Variants in MED21 observed in about 807,000 individuals in gnomAD.
The protein encoded by MED21 is mediator of RNA polymerase II transcription subunit 21.
In MED21, 9 loss-of-function variants were observed where a neutral mutation model predicts 18.2. The ratio of observed to expected loss-of-function variants is 0.49; its 90% CI spans 0.30 to 0.86. MED21 has a LOEUF of 0.86. Ranked by LOEUF, MED21 falls within the 40% of genes least tolerant of loss-of-function variation. The pLI is 0.07. For missense variants in MED21, 150 were observed against 170.9 expected (o/e 0.88, Z 0.68); for synonymous variants, 73 against 60.5 (o/e 1.21, Z -0.96).
downstream of MED21, among the ~76,000 whole-genome samples, chr12:27,034,354 G>A (rs1174748817): frequency 2.0e-5 from 3 of 152,066 alleles, no homozygotes; most frequent in African/African-American, 4.8e-5. Flanking sequence ...CCTGGGAGGC[G>A]GAGGTTGCAG....
intron 1 of MED21, among the ~76,000 whole-genome samples, chr12:27,025,551 A>G (rs1051439156): frequency 5.3e-5 from 8 of 152,162 alleles, no homozygotes; most frequent in African/African-American, 1.9e-4. Flanking sequence ...ACAGTGATAG[A>G]AGGAAAAGAG....
At chr12:27,036,743 A>T (rs1647374796) in intron 2 of MED21, among the ~76,000 whole-genome samples, 1 of 152,186 alleles carries the variant, frequency 6.6e-6, no homozygotes, top group Non-Finnish European at 1.5e-5. Flanking sequence ...AAGATCAGAT[A>T]GTTGTAGATA....
Position 27,026,514 on chromosome 12 carries a change from A to C in MED21, c.137A>C (p.Gln46Pro). Residue 46 changes from glutamine (Q) to proline (P), a missense_variant, in exon 2 of 4, where the codon CAG (glutamine) becomes CCG (proline). Gln to Pro is a moderately conservative substitution (Grantham distance 76). Transcript: ENST00000282892. Reference sequence around the variant, plus strand: ...ATTCAGACAGCAATTAACAAAGACCAGCCAGCTAACCCTACAGAAGGTAAA... The same window carrying C: ...ATTCAGACAGCAATTAACAAAGACCCGCCAGCTAACCCTACAGAAGGTAAA... ...NNIQTAINKD[Q>P]PANPTEEYAQ... The C allele has an allele frequency of 6.2e-7, 1 of 1,613,504 alleles. No individual in the cohort carries two copies.
At position 27,028,833 on chromosome 12, in the gene MED21, CAGTA is replaced by C. The variant is rs1305347984; in HGVS notation, c.*375_*378del. 27 of 992,562 alleles carry C rather than the reference CAGTA, an allele frequency of 2.7e-5. No homozygotes were observed. The highest frequency in any genetic ancestry group is 2.1e-4 in the African/African-American group (12 of 57,538). The allele number at this position is 992,562 out of a possible 1,614,324, so 61.5% of individuals were successfully genotyped here. On this transcript the variant is annotated 3_prime_UTR_variant, in exon 4 of 4. Coordinates refer to ENST00000282892, the MANE Select transcript of MED21 (RefSeq NM_004264.5). ...ACATCTCTCAAGCCAAAGGAGAAGA[CAGTA>C]AGAACAGACATAAGGGACATTTTAG...
intron 1 of MED21, 138 bp downstream of exon 1, chr12:27,022,759 G>T: frequency 6.5e-7 from 1 of 1,549,370 alleles, no homozygotes; most frequent in Non-Finnish European, 8.7e-7. Context: ...GCTCTCTCGG[G>T]AGGCGCCACC....
chr12:27,029,237 C>G lies in MED21; in HGVS notation c.*776C>G. On this transcript the variant is annotated 3_prime_UTR_variant, in exon 4 of 4. Coordinates refer to ENST00000282892, the MANE Select transcript of MED21 (RefSeq NM_004264.5). The stretch of plus-strand genomic sequence containing the variant: ...CTCCATTTATCTGAAGGTTCTTTTG[C>G]CCTTATTAACCTCTCAACTTTTATT... 1 of 985,194 alleles carries G rather than the reference C, an allele frequency of 1.0e-6. No homozygotes were observed. Among genetic ancestry groups the G allele is most frequent in the Non-Finnish European group, 1.2e-6 (1 of 829,822 alleles). The allele number at this position is 985,194 out of a possible 1,614,324, so 61.0% of individuals were successfully genotyped here.
Position 27,030,284 on chromosome 12 carries a change from C to G in MED21, c.*1823C>G, listed in dbSNP as rs1292562206. 1.9e-6 allele frequency: 1 copy of G among 517,594 alleles called. No homozygotes were observed. Among genetic ancestry groups the G allele is most frequent in the Non-Finnish European group, 3.5e-6 (1 of 287,552 alleles). The allele number at this position is 517,594 out of a possible 1,614,324, so 32.1% of individuals were successfully genotyped here. On this transcript the variant is annotated 3_prime_UTR_variant, in exon 4 of 4. Transcript: ENST00000282892. The stretch of plus-strand genomic sequence containing the variant: ...AACTGGGACTACAGGCATGTACTAC[C>G]ACGTCCAGCTAATTTTTTTTTTCTT...
Position 27,030,141 on chromosome 12 carries a change from G to A in MED21, c.*1680G>A, listed in dbSNP as rs1000108541. Reference sequence around the variant, plus strand: ...TATACAGTTTTTTTTTGTTGTTCTTGTTTCTGTTTTTTTAAGGTGAAGTCT... The same window carrying A: ...TATACAGTTTTTTTTTGTTGTTCTTATTTCTGTTTTTTTAAGGTGAAGTCT... On this transcript the variant is annotated 3_prime_UTR_variant, in exon 4 of 4. Coordinates refer to ENST00000282892, the MANE Select transcript of MED21 (RefSeq NM_004264.5). 3.1e-6 allele frequency: 2 copies of A among 652,724 alleles called. No homozygotes were observed. Among genetic ancestry groups the A allele is most frequent in the Non-Finnish European group, 2.8e-6 (1 of 357,680 alleles). The allele number at this position is 652,724 out of a possible 1,614,324, so 40.4% of individuals were successfully genotyped here.
chr12:27,023,871 A>G (rs563330829), intron 1 of MED21, among the ~76,000 whole-genome samples: 18 of 152,358 alleles, frequency 1.2e-4, no homozygotes, highest in African/African-American at 4.1e-4. Context: ...ATAAACCAGT[A>G]ACAAAGTCAT....
At chr12:27,028,056 GT>G (rs1565480326) in intron 3 of MED21, among the ~76,000 whole-genome samples, 2 of 152,146 alleles carry the variant, frequency 1.3e-5, no homozygotes, top group African/African-American at 4.8e-5. Flanking sequence ...GTGTCTAAAC[GT>G]AATGTGTAAG....
intron 1 of MED21, among the ~76,000 whole-genome samples, chr12:27,023,300 C>CTTTTCTTTTT (rs1555110746): frequency 9.1e-6 from 1 of 110,400 alleles, no homozygotes; most frequent in African/African-American, 3.6e-5. Context: ...TTTTTCTTTT[C>CTTTTCTTTTT]TTTTTTTTTT....
intron 2 of MED21, among the ~76,000 whole-genome samples, chr12:27,026,846 A>C (rs114606838): frequency 6.6e-6 from 1 of 152,380 alleles, no homozygotes; most frequent in African/African-American, 2.4e-5. Flanking sequence ...ATATTGTCAT[A>C]ATAAATGAAA....
In MED21 at chr12:27,028,992, C is replaced by G; in HGVS notation, c.*531C>G. The G allele has an allele frequency of 1.0e-6, 1 of 985,476 alleles. No homozygotes were observed. The highest frequency in any genetic ancestry group is 1.2e-6 in the Non-Finnish European group (1 of 829,958). 61.0% of individuals were successfully genotyped at this position (985,476 alleles called of 1,614,324 possible). A position where few individuals can be genotyped will look rare whatever the true frequency, so the allele number is the denominator to read the frequency against. On this transcript the variant is annotated 3_prime_UTR_variant, in exon 4 of 4. Transcript: ENST00000282892. ...GCTGGATAAGAAAGTCACATTTATG[C>G]AAATGTTTCTTCTGCTAGAACCTCA...
intron 3 of MED21, 132 bp from the exon 4 acceptor site, chr12:27,028,153 C>CT: frequency 1.7e-6 from 2 of 1,175,044 alleles, no homozygotes; most frequent in Non-Finnish European, 2.3e-6. Context: ...TAAAAGTTGT[C>CT]TGATTTTTAG....
At chr12:27,027,270 TG>T in intron 2 of MED21, 76 bp from the exon 3 acceptor site, 1 of 972,068 alleles carries the variant, frequency 1.0e-6, no homozygotes, top group Non-Finnish European at 1.6e-6. Flanking sequence ...ATGAAGTTTC[TG>T]GTTTCATTAA....
chr12:27,037,713 A>C (rs1211606900), intron 2 of MED21: 1 of 152,242 alleles, frequency 6.6e-6, no homozygotes, highest in African/African-American at 2.4e-5. Flanking sequence ...TTTTAAAAAA[A>C]CATATTACAA....
chr12:27,023,373 C>G (rs1941502083), intron 1 of MED21, among the ~76,000 whole-genome samples: 1 of 142,216 alleles, frequency 7.0e-6, no homozygotes, highest in South Asian at 2.2e-4. Flanking sequence ...GATCTCTGCT[C>G]ACTGCATCCT....
intron 1 of MED21, among the ~76,000 whole-genome samples, chr12:27,024,935 T>G (rs1235061651): frequency 6.6e-6 from 1 of 152,240 alleles, no homozygotes; most frequent in Non-Finnish European, 1.5e-5. Flanking sequence ...TTTATCCTAA[T>G]CAGAATTATT....
chr12:27,029,808 A>G lies in MED21; in HGVS notation c.*1347A>G, dbSNP rs1346932349. On this transcript the variant is annotated 3_prime_UTR_variant, in exon 4 of 4. Coordinates refer to ENST00000282892, the MANE Select transcript of MED21 (RefSeq NM_004264.5). ...TTTTGGGGGGAGAGAAGATTCAGTC[A>G]GAAAACTTATTCAAAGTACCTAAGT... 1 of 992,958 alleles carries G rather than the reference A, an allele frequency of 1.0e-6. No individual in the cohort carries two copies. Among genetic ancestry groups the G allele is most frequent in the Non-Finnish European group, 1.2e-6 (1 of 834,694 alleles). 61.5% of individuals were successfully genotyped at this position (992,958 alleles called of 1,614,324 possible).
Sources: allele counts gnomAD v4.1 joint callset (sites outside exome capture counted in the v4.1 genomes callset), GRCh38; gene constraint gnomAD v4.1.1; transcripts MANE v1.5; gene names NCBI Gene and HGNC (gene_info 2026-07-23, HGNC 2026-07-21).